The following LINGO2 variants were observed in gnomAD, a reference collection of about 807,000 sequenced individuals.
The protein encoded by LINGO2 is leucine rich repeat and Ig domain containing 2, also known as leucine-rich repeat and immunoglobulin-like domain-containing nogo receptor-interacting protein 2.
Under a neutral mutation model 30.6 loss-of-function variants are expected in LINGO2, and 14 were observed. The ratio of observed to expected loss-of-function variants is 0.46; its 90% CI spans 0.30 to 0.72. The LOEUF (loss-of-function observed/expected upper bound fraction) is 0.72. LINGO2 is among the 30% of genes least tolerant of loss of function. LINGO2 has a pLI of 0.07. For synonymous variants in LINGO2, 317 were observed against 288.5 expected (o/e 1.10, Z -1.00); for missense variants, 729 against 751.7 (o/e 0.97, Z 0.35).
intron 1 of LINGO2, among the ~76,000 whole-genome samples, chr9:28,589,359 T>G (rs1254495155): frequency 6.6e-6 from 1 of 152,114 alleles, no homozygotes; most frequent in Non-Finnish European, 1.5e-5. Context: ...GGAAGTCAAG[T>G]TGTCTCTGTT....
intron 4 of LINGO2, among the ~76,000 whole-genome samples, chr9:28,073,001 G>C (rs956010669): frequency 6.6e-6 from 1 of 151,704 alleles, no homozygotes; most frequent in Non-Finnish European, 1.5e-5. Flanking sequence ...CTTGGTCTTC[G>C]GCTTGACTTC....
the LINGO2 span, among the ~76,000 whole-genome samples, chr9:29,040,464 T>C: frequency 6.6e-6 from 1 of 151,956 alleles, no homozygotes; most frequent in South Asian, 2.1e-4. Flanking sequence ...AATAGTATAC[T>C]ATTTTTACAT....
intron 1 of LINGO2, among the ~76,000 whole-genome samples, chr9:28,610,513 C>A (rs1357658338): frequency 6.6e-6 from 1 of 152,072 alleles, no homozygotes; most frequent in Non-Finnish European, 1.5e-5. Flanking sequence ...GAATTAATTA[C>A]CTTATGAAAG....
chr9:28,962,803 CT>C, the LINGO2 span, among the ~76,000 whole-genome samples: 1 of 151,572 alleles, frequency 6.6e-6, no homozygotes, highest in Non-Finnish European at 1.5e-5. Context: ...AATTTTACAT[CT>C]TATCTTACTT....
At chr9:28,785,038 T>A in the LINGO2 span, among the ~76,000 whole-genome samples, 1 of 152,044 alleles carries the variant, frequency 6.6e-6, no homozygotes, top group Non-Finnish European at 1.5e-5. Flanking sequence ...ATGTGGATTG[T>A]TCTACATACA....
the LINGO2 span, among the ~76,000 whole-genome samples, chr9:29,000,374 C>G: frequency 6.6e-6 from 1 of 151,904 alleles, no homozygotes. Flanking sequence ...TCTGCATACA[C>G]ACTTTAAATG....
the LINGO2 span, among the ~76,000 whole-genome samples, chr9:29,015,282 TA>T: frequency 6.6e-6 from 1 of 152,294 alleles, no homozygotes; most frequent in Non-Finnish European, 1.5e-5. Context: ...ATTGCATCTG[TA>T]CCACATAAAG....
At chr9:28,905,960 T>C in the LINGO2 span, among the ~76,000 whole-genome samples, 1 of 152,014 alleles carries the variant, frequency 6.6e-6, no homozygotes, top group Non-Finnish European at 1.5e-5. Context: ...ATATAAACAA[T>C]GGTATACTTT....
chr9:28,816,411 T>C, the LINGO2 span, among the ~76,000 whole-genome samples: 1 of 152,228 alleles, frequency 6.6e-6, no homozygotes, highest in South Asian at 2.1e-4. Flanking sequence ...GTAATTGCTA[T>C]TTTTTATCAA....
chr9:28,198,690 A>G (rs1820106781), intron 4 of LINGO2, among the ~76,000 whole-genome samples: 1 of 152,162 alleles, frequency 6.6e-6, no homozygotes, highest in South Asian at 2.1e-4. Context: ...TCATTTTTGA[A>G]GAAAACAGTC....
At chr9:28,205,849 C>T (rs1339406863) in intron 4 of LINGO2, among the ~76,000 whole-genome samples, 1 of 152,180 alleles carries the variant, frequency 6.6e-6, no homozygotes, top group African/African-American at 2.4e-5. Context: ...AAAGTGTCAG[C>T]TTCCCAGGTA....
chr9:28,643,199 A>G (rs1287003300), intron 1 of LINGO2, among the ~76,000 whole-genome samples: 1 of 152,100 alleles, frequency 6.6e-6, no homozygotes, highest in Non-Finnish European at 1.5e-5. Context: ...CCTGAAATTT[A>G]TATGGAATCA....
At chr9:28,540,091 A>G (rs1182904024) in intron 1 of LINGO2, among the ~76,000 whole-genome samples, 1 of 152,134 alleles carries the variant, frequency 6.6e-6, no homozygotes, top group Non-Finnish European at 1.5e-5. Context: ...GACATCGCAC[A>G]ACTCTGAAAA....
the LINGO2 span, among the ~76,000 whole-genome samples, chr9:28,837,649 AATATATATATACATATATAT>A: frequency 0.02 from 1,504 of 75,816 alleles, 153 homozygotes; most frequent in African/African-American, 0.073. Flanking sequence ...CTCCGTCTAA[AATATATATATACATATATAT>A]ATATATATAT....
At chr9:28,426,272 CTA>C (rs1823409405) in intron 2 of LINGO2, among the ~76,000 whole-genome samples, 1 of 151,916 alleles carries the variant, frequency 6.6e-6, no homozygotes, top group South Asian at 2.1e-4. Context: ...ATAGGTTTGC[CTA>C]TAACATATTA....
At chr9:28,376,494 C>T (rs1212333312) in intron 2 of LINGO2, among the ~76,000 whole-genome samples, 1 of 152,296 alleles carries the variant, frequency 6.6e-6, no homozygotes, top group South Asian at 2.1e-4. Flanking sequence ...AGACTCACTG[C>T]CCTAGCTGCC....
intron 5 of LINGO2, among the ~76,000 whole-genome samples, chr9:27,989,471 GTGTGTGTA>G (rs1367281697): frequency 4.8e-5 from 7 of 146,856 alleles, no homozygotes; most frequent in East Asian, 2.0e-4. Flanking sequence ...GTGTGTGTGT[GTGTGTGTA>G]TGTGTGCAGG....
the LINGO2 span, among the ~76,000 whole-genome samples, chr9:29,065,639 G>A: frequency 6.8e-4 from 104 of 152,012 alleles, no homozygotes; most frequent in Non-Finnish European, 1.1e-3. Flanking sequence ...TACAGTGCCT[G>A]TACTGAAACT....
the LINGO2 span, among the ~76,000 whole-genome samples, chr9:28,885,241 G>A: frequency 4.7e-5 from 7 of 147,384 alleles, no homozygotes; most frequent in South Asian, 2.1e-4. Flanking sequence ...CTGTCAGTCC[G>A]GGTGAGGTTG....
Sources: allele counts gnomAD v4.1 joint callset (sites outside exome capture counted in the v4.1 genomes callset), GRCh38; gene constraint gnomAD v4.1.1; transcripts MANE v1.5; gene names NCBI Gene and HGNC (gene_info 2026-07-23, HGNC 2026-07-21).